PCDHGA6: variants seen among roughly 807,000 people sequenced by gnomAD.
PCDHGA6 encodes protocadherin gamma subfamily A, 6, also known as protocadherin gamma-A6.
A neutral mutation model predicts 60.6 loss-of-function variants in PCDHGA6; 41 were observed. The observed-to-expected ratio is 0.68, with a 90% CI of 0.53 to 0.88. The LOEUF is 0.88. PCDHGA6 is among the 40% of genes least tolerant of loss of function. The pLI, the probability that PCDHGA6 is intolerant of heterozygous loss-of-function variation, is 0.00. For missense variants in PCDHGA6, 1,312 were observed against 1,203.0 expected (o/e 1.09, Z -1.34); for synonymous variants, 594 against 524.4 (o/e 1.13, Z -1.81).
intron 1 of PCDHGA6, chr5:141,414,831 G>C: frequency 4.3e-6 from 7 of 1,614,212 alleles, no homozygotes; most frequent in Non-Finnish European, 5.9e-6. Flanking sequence ...ACGTGTCGTT[G>C]AGCCTGTTTG....
intron 3 of PCDHGA6, among the ~76,000 whole-genome samples, chr5:141,506,444 C>CAA (rs1219684339): frequency 1.2e-3 from 116 of 94,976 alleles, no homozygotes; most frequent in African/African-American, 4.2e-3. Flanking sequence ...CGCTCTGTCT[C>CAA]AAAAAAAAAA....
Position 141,432,211 on chromosome 5 carries a change from C to A in PCDHGA6, c.2424+55704C>A, listed in dbSNP as rs1390215329. On this transcript the variant is annotated intron_variant, in intron 1 of 3. Coordinates refer to ENST00000517434, the MANE Select transcript of PCDHGA6 (RefSeq NM_018919.3). The surrounding 1 kb of genome is among the most constrained non-coding windows in gnomAD (Gnocchi z 6.0). The stretch of plus-strand genomic sequence containing the variant: ...CCCACGACCCCGACTGTGAAGAGAA[C>A]GCCCAGATCACTTATTCCCTGGCTG... 1 of 1,614,232 alleles carries A rather than the reference C, an allele frequency of 6.2e-7. No individual in the cohort carries two copies. Among genetic ancestry groups the A allele is most frequent in the Admixed American group, 1.7e-5 (1 of 60,032 alleles).
intron 1 of PCDHGA6, chr5:141,418,610 C>T: frequency 6.2e-7 from 1 of 1,614,054 alleles, no homozygotes; most frequent in Non-Finnish European, 8.5e-7. Context: ...CAGGGTTAGC[C>T]TTCGGGAAGA....
intron 1 of PCDHGA6, chr5:141,399,529 G>C: frequency 6.2e-7 from 1 of 1,614,010 alleles, no homozygotes; most frequent in African/African-American, 1.3e-5. Context: ...GGCCTCCATC[G>C]CGCAAGTCTG....
chr5:141,421,557 C>T (rs764010392), intron 1 of PCDHGA6: 1 of 1,613,932 alleles, frequency 6.2e-7, no homozygotes, highest in South Asian at 1.1e-5. Context: ...TGGAACTTCT[C>T]GTGGAAGACA....
Position 141,487,870 on chromosome 5 carries a change from C to A in PCDHGA6, c.2425-6937C>A. On this transcript the variant is annotated intron_variant, in intron 1 of 3. Transcript: ENST00000517434. This position sits in a 1 kb window ranked among gnomAD's most constrained non-coding sequence, Gnocchi z 5.0. ...AATGAAAGTAATTGGTGATCAAGAGCCAGGCTGTTGTGGAAGCATGATGAT... is the reference window on the plus strand; with the variant it reads ...AATGAAAGTAATTGGTGATCAAGAGACAGGCTGTTGTGGAAGCATGATGAT... 3.5e-6 allele frequency: 3 copies of A among 865,052 alleles called. No individual in the cohort carries two copies. The highest frequency in any genetic ancestry group is 5.3e-6 in the Non-Finnish European group (3 of 568,628). The allele number at this position is 865,052 out of a possible 1,614,324, so 53.6% of individuals were successfully genotyped here.
intron 1 of PCDHGA6, chr5:141,440,369 G>A (rs2098171994): frequency 6.6e-6 from 1 of 152,156 alleles, no homozygotes; most frequent in African/African-American, 2.4e-5. Context: ...GGGGGGCCGA[G>A]GCAGGAGAAT....
At chr5:141,388,513 TGA>T in intron 1 of PCDHGA6, 2 of 1,613,840 alleles carry the variant, frequency 1.2e-6, no homozygotes, top group African/African-American at 2.7e-5. Flanking sequence ...TCCTACCACT[TGA>T]CTTTGACTGC....
Position 141,489,842 on chromosome 5 carries a change from A to T in PCDHGA6, c.2425-4965A>T. ...GAGCTGGTGCTAGAGCAGCAGCTGGATCGTGAAGCCCAGGCAAGACATCAG... is the reference window on the plus strand; with the variant it reads ...GAGCTGGTGCTAGAGCAGCAGCTGGTTCGTGAAGCCCAGGCAAGACATCAG... On this transcript the variant is annotated intron_variant, in intron 1 of 3. Coordinates refer to ENST00000517434, the MANE Select transcript of PCDHGA6 (RefSeq NM_018919.3). The surrounding 1 kb of genome is among the most constrained non-coding windows in gnomAD (Gnocchi z 4.5). 6.2e-7 allele frequency: 1 copy of T among 1,614,186 alleles called. No homozygotes were observed. Among genetic ancestry groups the T allele is most frequent in the South Asian group, 1.1e-5 (1 of 91,086 alleles).
At position 141,511,241 on chromosome 5, in the gene PCDHGA6, C is replaced by T; in HGVS notation, c.*68C>T. On this transcript the variant is annotated 3_prime_UTR_variant, in exon 4 of 4. Transcript: ENST00000517434. ...CCAGCCCAGCTTCTCCTTACCTGCA[C>T]CCAGGCCTCAGAGTTTCAGGGCTAA... The T allele has an allele frequency of 2.5e-6, 4 of 1,585,214 alleles. No individual in the cohort carries two copies. Among genetic ancestry groups the T allele is most frequent in the Non-Finnish European group, 3.4e-6 (4 of 1,165,762 alleles).
intron 2 of PCDHGA6, among the ~76,000 whole-genome samples, chr5:141,497,171 C>T (rs991574648): frequency 6.6e-6 from 1 of 151,148 alleles, no homozygotes; most frequent in African/African-American, 2.5e-5. Context: ...CCACAAATCA[C>T]AGTAAGTTCT....
At chr5:141,376,955 G>A (rs1473018804) in intron 1 of PCDHGA6, 1 of 163,724 alleles carries the variant, frequency 6.1e-6, no homozygotes, top group Admixed American at 5.9e-5. Flanking sequence ...CCAAAGTGCT[G>A]GGATTACAGG....
At position 141,510,984 on chromosome 5, in the gene PCDHGA6, C is replaced by T. The variant is rs375865663; in HGVS notation, c.2610C>T (p.Ala870=). The change falls in exon 4 of 4, where the codon GCC becomes GCT. Residue 870 remains alanine (A), a synonymous_variant. Coordinates refer to ENST00000517434, the MANE Select transcript of PCDHGA6 (RefSeq NM_018919.3). ...GGAGCTCCACCCTGGGAGGGGGTGC[C>T]GGCACCATGGGATTGAGCGCCCGCT... The part of the protein sequence containing the change: ...ADGSSTLGGG[A]GTMGLSARYG... 20 of 1,614,044 alleles carry T rather than the reference C, an allele frequency of 1.2e-5. No homozygotes were observed. The East Asian group carries it at 1.6e-4, about 13-fold the overall frequency.
chr5:141,433,056 G>C, intron 1 of PCDHGA6: 10 of 1,614,204 alleles, frequency 6.2e-6, no homozygotes, highest in Non-Finnish European at 8.5e-6. Context: ...TCGCGGAAGA[G>C]TCACCTGATC....
Position 141,398,041 on chromosome 5 carries a change from G to T in PCDHGA6, c.2424+21534G>T, listed in dbSNP as rs114009258. On this transcript the variant is annotated intron_variant, in intron 1 of 3. Coordinates refer to ENST00000517434, the MANE Select transcript of PCDHGA6 (RefSeq NM_018919.3). ...TAAACTGGAACTGGAACTAAAGCCC[G>T]TTCGGAGATCCAAAAATCTACAATA... 1,416 of 1,492,890 alleles carry T rather than the reference G, an allele frequency of 9.5e-4. 9 individuals are homozygous for T. The African/African-American group carries it at 0.016, about 16-fold the overall frequency. 92.5% of individuals were successfully genotyped at this position (1,492,890 alleles called of 1,614,324 possible).
At position 141,375,822 on chromosome 5, in the gene PCDHGA6, G is replaced by C. The variant is rs1439795137; in HGVS notation, c.1739G>C (p.Arg580Pro). The C allele has an allele frequency of 1.9e-6, 3 of 1,614,144 alleles. No individual in the cohort carries two copies. ...DGSTGVELAP[R>P]SAEPGYLVTK... ...TCCACTGGCGTGGAGCTGGCGCCCC[G>C]CTCCGCAGAGCCCGGCTACCTGGTG... The change falls in exon 1 of 4, where the codon CGC becomes CCC. Residue 580 changes from arginine to proline, a missense_variant. Coordinates refer to ENST00000517434, the MANE Select transcript of PCDHGA6 (RefSeq NM_018919.3).
chr5:141,388,686 GA>G, intron 1 of PCDHGA6: 1 of 1,613,980 alleles, frequency 6.2e-7, no homozygotes, highest in Non-Finnish European at 8.5e-7. Context: ...GACTGCCACG[GA>G]CCAGGATGAG....
chr5:141,409,904 G>T lies in PCDHGA6; in HGVS notation c.2424+33397G>T, dbSNP rs757396196. 10 of 1,613,278 alleles carry T rather than the reference G, an allele frequency of 6.2e-6. No homozygotes were observed. The South Asian group carries it at 1.1e-4, about 18-fold the overall frequency. On this transcript the variant is annotated intron_variant, in intron 1 of 3. Coordinates refer to ENST00000517434, the MANE Select transcript of PCDHGA6 (RefSeq NM_018919.3). ...ACCGCGGGTGCTGTACCCAGCTCTGGGTCCTGACGGCTCCGCGTTCTTCGA... is the reference window on the plus strand; with the variant it reads ...ACCGCGGGTGCTGTACCCAGCTCTGTGTCCTGACGGCTCCGCGTTCTTCGA...
chr5:141,481,317 C>T (rs2099535550), intron 1 of PCDHGA6, among the ~76,000 whole-genome samples: 1 of 152,182 alleles, frequency 6.6e-6, no homozygotes, highest in African/African-American at 2.4e-5. Context: ...CTTCCTAAAG[C>T]ACTAGCCCCT....
Sources: gnomAD v4.1 joint callset for allele counts (sites outside exome capture counted in the v4.1 genomes callset) on GRCh38, gnomAD v4.1.1 for gene constraint, Gnocchi (gnomAD v3.1) non-coding constraint, MANE v1.5 for transcripts, NCBI Gene and HGNC (gene_info 2026-07-23, HGNC 2026-07-21) for gene names.